Variants in ZNF106 observed in about 807,000 individuals in gnomAD.
ZNF106 encodes zinc finger protein 106, also known as SH3-domain binding protein 3.
In ZNF106, 67 loss-of-function variants were observed where a neutral mutation model predicts 195.1. That is an observed-to-expected ratio of 0.34 (90% CI 0.28 to 0.42). The LOEUF is 0.42. ZNF106 is among the 10% of genes least tolerant of loss of function. The pLI is 1.00. For synonymous variants in ZNF106, 784 were observed against 818.6 expected, an observed-to-expected ratio of 0.96 and a Z score of 0.72; for missense variants, 2,118 against 2,304.5, an observed-to-expected ratio of 0.92 and a Z score of 1.66.
intron 1 of ZNF106, among the ~76,000 whole-genome samples, chr15:42,487,452 C>T (rs2057041902): frequency 7.7e-6 from 1 of 129,254 alleles, no homozygotes; most frequent in Admixed American, 9.1e-5. Flanking sequence ...GATCATGCCA[C>T]TGTACTTCAG....
At chr15:42,431,028 C>T (rs1567000403) in intron 14 of ZNF106, among the ~76,000 whole-genome samples, 1 of 152,028 alleles carries the variant, frequency 6.6e-6, no homozygotes, top group East Asian at 1.9e-4. Context: ...TTTAGCAGTG[C>T]TTTAGCTGCA....
intron 1 of ZNF106, 28 bp from the exon 2 acceptor site, chr15:42,472,349 C>G: frequency 6.7e-7 from 1 of 1,492,404 alleles, no homozygotes; most frequent in Non-Finnish European, 9.0e-7. Flanking sequence ...CATTTAGTAA[C>G]CTTTTCTCCT....
intron 4 of ZNF106, among the ~76,000 whole-genome samples, chr15:42,453,848 C>A (rs1346155535): frequency 6.6e-6 from 1 of 152,140 alleles, no homozygotes; most frequent in African/African-American, 2.4e-5. Context: ...CCCACCTCAG[C>A]CTCCCAAAGT....
rs2055845870 is a variant in ZNF106, at chr15:42,448,287, A to T, written c.2920T>A (p.Leu974Met). Residue 974 changes from leucine to methionine, a missense_variant, in exon 6 of 22, where the codon TTG becomes ATG. Coordinates refer to ENST00000564754, the MANE Select transcript of ZNF106 (RefSeq NM_001366845.3). ...TCCTGGCTGTTCAAGTCTTTTGCCA[A>T]ATGCATCAAAGGTATTATATGGTCA... ...SSDHIIPLMHLAKDLNSQERS... is the reference protein window; with the variant it reads ...SSDHIIPLMHMAKDLNSQERS... The T allele has an allele frequency of 1.2e-6, 2 of 1,614,184 alleles. No homozygotes were observed. The highest frequency in any genetic ancestry group is 2.7e-5 in the African/African-American group (2 of 75,026).
chr15:42,422,761 T>C, intron 17 of ZNF106, 141 bp from the exon 18 acceptor site: 1 of 783,780 alleles, frequency 1.3e-6, no homozygotes, highest in Non-Finnish European at 1.8e-6. Context: ...ACTGTACAAA[T>C]ACAGTTAATA....
At chr15:42,430,820 T>A (rs992826780) in intron 14 of ZNF106, among the ~76,000 whole-genome samples, 2 of 151,924 alleles carry the variant, frequency 1.3e-5, no homozygotes. Flanking sequence ...TTTTACAAGT[T>A]TGTATAATTT....
chr15:42,453,420 C>A (rs1288481489), intron 4 of ZNF106, among the ~76,000 whole-genome samples: 1 of 152,094 alleles, frequency 6.6e-6, no homozygotes, highest in Non-Finnish European at 1.5e-5. Flanking sequence ...GTGTAAAAAC[C>A]ATTTTCTTCT....
intron 1 of ZNF106, among the ~76,000 whole-genome samples, chr15:42,482,112 T>G (rs911516834): frequency 4.6e-5 from 7 of 152,202 alleles, no homozygotes; most frequent in African/African-American, 1.7e-4. Context: ...GTTTAAATTT[T>G]TATTTCAGAT....
chr15:42,469,017 T>C (rs752329617), intron 2 of ZNF106, among the ~76,000 whole-genome samples: 6 of 151,884 alleles, frequency 4.0e-5, no homozygotes, highest in Non-Finnish European at 8.8e-5. Flanking sequence ...TGAAACCCCG[T>C]CTCTACTAAA....
intron 10 of ZNF106, among the ~76,000 whole-genome samples, chr15:42,440,726 T>TA (rs2055468409): frequency 6.6e-6 from 1 of 151,862 alleles, no homozygotes; most frequent in South Asian, 2.1e-4. Flanking sequence ...CTCATGTCTG[T>TA]AATCCCAGCA....
At position 42,439,612 on chromosome 15, in the gene ZNF106, T is replaced by C; in HGVS notation, c.3965A>G (p.Lys1322Arg). Residue 1322 changes from lysine to arginine, a missense_variant, in exon 11 of 22, where the codon AAA becomes AGA. Lys to Arg is a conservative substitution (Grantham distance 26, BLOSUM62 2). Transcript: ENST00000564754. Reference protein sequence around the residue: ...SINKEGEEPTKGNSGSEACTS... With the variant: ...SINKEGEEPTRGNSGSEACTS... ...ACAGGCTTCAGACCCACTATTGCCT[T>C]TGGTTGGCTCTTCCCCTTCTTTATT... is the stretch of plus-strand genomic sequence containing the variant. 6.2e-7 allele frequency: 1 copy of C among 1,613,838 alleles called. No individual in the cohort carries two copies. Among genetic ancestry groups the C allele is most frequent in the South Asian group, 1.1e-5 (1 of 90,998 alleles).
intron 10 of ZNF106, 93 bp from the exon 11 acceptor site, chr15:42,439,906 T>A: frequency 7.6e-7 from 1 of 1,318,040 alleles, no homozygotes; most frequent in Non-Finnish European, 1.0e-6. Context: ...CAATGATATG[T>A]TCAGAAAACC....
chr15:42,442,555 A>T, intron 9 of ZNF106, 141 bp from the exon 10 acceptor site: 2 of 637,270 alleles, frequency 3.1e-6, no homozygotes, highest in Non-Finnish European at 5.2e-6. Flanking sequence ...ATTCTCCGAA[A>T]TATGGAGAAT....
intron 2 of ZNF106, among the ~76,000 whole-genome samples, chr15:42,466,623 G>T (rs895831581): frequency 2.0e-5 from 3 of 152,122 alleles, no homozygotes; most frequent in Admixed American, 6.6e-5. Context: ...ATTCTAGATA[G>T]GAGTTACAAA....
chr15:42,490,466 T>C (rs1400673829), intron 1 of ZNF106: 1 of 151,894 alleles, frequency 6.6e-6, no homozygotes, highest in African/African-American at 2.4e-5. Flanking sequence ...TCTCCACAAT[T>C]ATACACCGAG....
At chr15:42,419,655 C>A (rs1215448795) in intron 20 of ZNF106, among the ~76,000 whole-genome samples, 3 of 151,894 alleles carry the variant, frequency 2.0e-5, no homozygotes, top group African/African-American at 4.8e-5. Flanking sequence ...ATGTTTATTT[C>A]TTAAAAGTAA....
At chr15:42,433,396 C>T (rs189622948) in intron 14 of ZNF106, among the ~76,000 whole-genome samples, 33 of 152,218 alleles carry the variant, frequency 2.2e-4, no homozygotes, top group East Asian at 1.2e-3. Context: ...TGAGCCACCG[C>T]GCCCAGCCTT....
chr15:42,444,173 GCCC>G, intron 9 of ZNF106, 26 bp downstream of exon 9: 1 of 1,462,854 alleles, frequency 6.8e-7, no homozygotes, highest in Middle Eastern at 2.4e-4. Flanking sequence ...GCTATAGAGG[GCCC>G]AATCCATCAG....
At chr15:42,438,111 G>A (rs758471353) in intron 12 of ZNF106, among the ~76,000 whole-genome samples, 2 of 152,042 alleles carry the variant, frequency 1.3e-5, no homozygotes, top group Non-Finnish European at 2.9e-5. Flanking sequence ...GAAAGGCCAG[G>A]CATGGTGGCT....
Sources: allele counts gnomAD v4.1 joint callset (sites outside exome capture counted in the v4.1 genomes callset), GRCh38; gene constraint gnomAD v4.1.1; transcripts MANE v1.5; gene names NCBI Gene and HGNC (gene_info 2026-07-23, HGNC 2026-07-21).